Variants in KLRG1 observed in about 807,000 individuals in gnomAD.
KLRG1 encodes the protein killer cell lectin-like receptor subfamily G member 1.
In KLRG1, 16 loss-of-function variants were observed where a neutral mutation model predicts 21.8. The ratio of observed to expected loss-of-function variants is 0.73; its 90% CI spans 0.50 to 1.11. The LOEUF is 1.11. Among genes scored for constraint, KLRG1 ranks in the 50% most tolerant of loss-of-function variants. The pLI, the probability that KLRG1 is intolerant of heterozygous loss-of-function variation, is 0.00. For missense variants in KLRG1, 173 were observed against 218.3 expected, an observed-to-expected ratio of 0.79 and a Z score of 1.31; for synonymous variants, 69 against 75.9, an observed-to-expected ratio of 0.91 and a Z score of 0.47.
At chr12:9,188,250 T>C in the KLRG1 span, among the ~76,000 whole-genome samples, 5 of 152,208 alleles carry the variant, frequency 3.3e-5, no homozygotes, top group East Asian at 7.7e-4. Context: ...GATTCATTCA[T>C]ATAAACAGAA....
the KLRG1 span, among the ~76,000 whole-genome samples, chr12:9,033,264 T>C: frequency 6.6e-6 from 1 of 152,078 alleles, no homozygotes; most frequent in East Asian, 1.9e-4. Context: ...TAGAAAGTCA[T>C]CATCTCTAAC....
the KLRG1 span, among the ~76,000 whole-genome samples, chr12:9,032,465 G>A: frequency 6.6e-6 from 1 of 152,148 alleles, no homozygotes; most frequent in Non-Finnish European, 1.5e-5. Flanking sequence ...CCTCAGTGTA[G>A]GCCAAACTAA....
chr12:9,062,618 T>C, the KLRG1 span, among the ~76,000 whole-genome samples: 1 of 147,660 alleles, frequency 6.8e-6, no homozygotes, highest in African/African-American at 2.5e-5. Flanking sequence ...GTATTATACA[T>C]ATATGTATAT....
chr12:8,990,796 G>A (rs1038419989), intron 1 of KLRG1, among the ~76,000 whole-genome samples: 1 of 152,068 alleles, frequency 6.6e-6, no homozygotes, highest in Admixed American at 6.5e-5. Flanking sequence ...GAATTGGCTT[G>A]TGGTTACACA....
the KLRG1 span, among the ~76,000 whole-genome samples, chr12:9,175,264 G>A: frequency 6.6e-6 from 1 of 152,158 alleles, no homozygotes; most frequent in Non-Finnish European, 1.5e-5. Flanking sequence ...GCCTTATGCA[G>A]AAAATTGAAA....
chr12:9,179,301 T>A, the KLRG1 span, among the ~76,000 whole-genome samples: 1 of 152,282 alleles, frequency 6.6e-6, no homozygotes, highest in South Asian at 2.1e-4. Flanking sequence ...TCCACCTATA[T>A]CCTTTTTTAT....
chr12:9,100,339 G>A, the KLRG1 span, among the ~76,000 whole-genome samples: 1 of 152,100 alleles, frequency 6.6e-6, no homozygotes, highest in South Asian at 2.1e-4. Flanking sequence ...TTGAGAAGAG[G>A]TTCAAGAATA....
At chr12:9,020,074 C>T in the KLRG1 span, among the ~76,000 whole-genome samples, 19 of 151,244 alleles carry the variant, frequency 1.3e-4, no homozygotes, top group African/African-American at 4.4e-4. Flanking sequence ...CACACACACA[C>T]ACATACATAC....
At chr12:9,196,970 T>A in the KLRG1 span, 1 of 1,405,888 alleles carries the variant, frequency 7.1e-7, no homozygotes, top group Non-Finnish European at 1.0e-6. Context: ...TCTCACTGGT[T>A]GTAAACAGTG....
chr12:8,988,015 C>T (rs1190055438), upstream of KLRG1, among the ~76,000 whole-genome samples: 3 of 152,232 alleles, frequency 2.0e-5, no homozygotes, highest in African/African-American at 7.2e-5. Flanking sequence ...CACCTCTGTC[C>T]TTTCTGTTCA....
chr12:9,161,949 TTTG>T, the KLRG1 span, among the ~76,000 whole-genome samples: 3 of 151,886 alleles, frequency 2.0e-5, no homozygotes, highest in Non-Finnish European at 2.9e-5. Context: ...GTCTTTAGTT[TTTG>T]TTGTTGTTGT....
At chr12:9,155,510 G>T in the KLRG1 span, among the ~76,000 whole-genome samples, 2 of 147,700 alleles carry the variant, frequency 1.4e-5, no homozygotes, top group African/African-American at 5.0e-5. Flanking sequence ...TGTTGTTGTT[G>T]TTTTTGTACT....
chr12:9,026,622 T>C, the KLRG1 span, among the ~76,000 whole-genome samples: 88 of 152,362 alleles, frequency 5.8e-4, no homozygotes, highest in Non-Finnish European at 4.1e-4. Flanking sequence ...TATTTGTATT[T>C]CCTCTGAGTT....
At chr12:9,214,738 G>A in the KLRG1 span, among the ~76,000 whole-genome samples, 5 of 151,872 alleles carry the variant, frequency 3.3e-5, no homozygotes, top group Non-Finnish European at 1.5e-5. Flanking sequence ...TCTGCTTTGT[G>A]TTGACTTTAC....
At chr12:9,168,866 T>A in the KLRG1 span, 1 of 1,605,494 alleles carries the variant, frequency 6.2e-7, no homozygotes, top group South Asian at 1.1e-5. Flanking sequence ...ATTGCTGTTT[T>A]ACCTCCATAG....
the KLRG1 span, among the ~76,000 whole-genome samples, chr12:9,093,831 C>CGGGTGGATCACGAGGTCAGGAGAT: frequency 4.6e-5 from 7 of 151,668 alleles, no homozygotes; most frequent in African/African-American, 1.7e-4. Context: ...GAGGCCGAGG[C>CGGGTGGATCACGAGGTCAGGAGAT]CGAGACGGCG....
the KLRG1 span, among the ~76,000 whole-genome samples, chr12:9,139,215 C>G: frequency 6.6e-6 from 1 of 151,956 alleles, no homozygotes; most frequent in Non-Finnish European, 1.5e-5. Flanking sequence ...TGTTTAATAT[C>G]TATGTATTTT....
chr12:9,180,593 C>T, the KLRG1 span, among the ~76,000 whole-genome samples: 1 of 152,038 alleles, frequency 6.6e-6, no homozygotes, highest in East Asian at 1.9e-4. Flanking sequence ...AACTGGCTAG[C>T]CATATGTAGA....
At chr12:8,998,606 C>T (rs1947209416) in intron 3 of KLRG1, among the ~76,000 whole-genome samples, 1 of 151,178 alleles carries the variant, frequency 6.6e-6, no homozygotes, top group African/African-American at 2.4e-5. Flanking sequence ...AGAGAATCCC[C>T]TGAACCCAGG....
Sources: allele counts gnomAD v4.1 joint callset (sites outside exome capture counted in the v4.1 genomes callset), GRCh38; gene constraint gnomAD v4.1.1; transcripts MANE v1.5; gene names NCBI Gene and HGNC (gene_info 2026-07-23, HGNC 2026-07-21).